ROBO1: variants seen among roughly 807,000 people sequenced by gnomAD.
ROBO1 encodes roundabout homolog 1.
ROBO1 carries 149 observed loss-of-function variants against 195.9 expected under a neutral mutation model. The ratio of observed to expected loss-of-function variants is 0.76; its 90% CI spans 0.67 to 0.87. ROBO1 has a LOEUF of 0.87. ROBO1 is among the 40% of genes least tolerant of loss of function. The probability of loss-of-function intolerance (pLI) is 0.00; values close to 1 mark genes in which losing one functional copy is unlikely to be tolerated. For synonymous variants in ROBO1, 816 were observed against 733.2 expected, an observed-to-expected ratio of 1.11 and a Z score of -1.82; for missense variants, 1,933 against 2,068.3, an observed-to-expected ratio of 0.93 and a Z score of 1.27.
intron 1 of ROBO1, among the ~76,000 whole-genome samples, 187 bp from the exon 2 acceptor site, chr3:79,590,148 G>A (rs1943953486): frequency 6.6e-6 from 1 of 151,660 alleles, no homozygotes. Context: ...TCAAACAAAT[G>A]TGGTATTTAT....
chr3:79,334,311 A>AAATAT (rs1553721943), intron 2 of ROBO1, among the ~76,000 whole-genome samples: 14 of 131,740 alleles, frequency 1.1e-4, no homozygotes, highest in African/African-American at 3.7e-4. Context: ...AAAAAAAAAA[A>AAATAT]ATATATATAT....
At chr3:79,626,457 CA>C (rs951643082) in intron 1 of ROBO1, among the ~76,000 whole-genome samples, 18 of 151,498 alleles carry the variant, frequency 1.2e-4, no homozygotes, top group African/African-American at 1.5e-4. Flanking sequence ...AAAACAAAAA[CA>C]AAAAAACCTC....
chr3:78,703,138 G>T (rs1001193631), intron 8 of ROBO1, among the ~76,000 whole-genome samples: 1 of 152,028 alleles, frequency 6.6e-6, no homozygotes, highest in Non-Finnish European at 1.5e-5. Context: ...GGTTACAATG[G>T]CTGTTTCTTT....
intron 3 of ROBO1, among the ~76,000 whole-genome samples, chr3:79,090,038 C>T (rs758740163): frequency 6.6e-6 from 1 of 151,316 alleles, no homozygotes; most frequent in Non-Finnish European, 1.5e-5. Flanking sequence ...CTCCCAGGTT[C>T]GAGCAATTCT....
intron 1 of ROBO1, among the ~76,000 whole-genome samples, chr3:79,661,584 C>T (rs11127653): frequency 0.26 from 39,304 of 150,656 alleles, 5,208 homozygotes; most frequent in Admixed American, 0.31. Context: ...TTTCTTTGTT[C>T]TTTCAACCAA....
chr3:78,827,468 G>A (rs2031727387), intron 4 of ROBO1, among the ~76,000 whole-genome samples: 1 of 152,154 alleles, frequency 6.6e-6, no homozygotes, highest in South Asian at 2.1e-4. Flanking sequence ...TATAGCAGGT[G>A]CATGCCAGTG....
At chr3:79,514,505 A>G (rs1940858512) in intron 2 of ROBO1, among the ~76,000 whole-genome samples, 1 of 152,048 alleles carries the variant, frequency 6.6e-6, no homozygotes, top group Non-Finnish European at 1.5e-5. Flanking sequence ...GGCTGGACAC[A>G]GTCTCTGGTT....
intron 4 of ROBO1, among the ~76,000 whole-genome samples, chr3:78,906,286 C>T (rs552771293): frequency 6.6e-6 from 1 of 152,192 alleles, no homozygotes; most frequent in South Asian, 2.1e-4. Context: ...TTCAACTAGG[C>T]TCAAGTAGTG....
intron 2 of ROBO1, among the ~76,000 whole-genome samples, chr3:79,243,012 T>C (rs1202892041): frequency 8.2e-6 from 1 of 122,470 alleles, no homozygotes; most frequent in Non-Finnish European, 1.6e-5. Context: ...TGCCCTGGTG[T>C]GTGATGTTCC....
chr3:78,946,491 C>A (rs563800233), intron 3 of ROBO1, among the ~76,000 whole-genome samples: 1 of 152,198 alleles, frequency 6.6e-6, no homozygotes, highest in East Asian at 1.9e-4. Flanking sequence ...TTGTCACCAC[C>A]AGGCCTGCCC....
At chr3:79,379,710 T>C (rs2036505781) in intron 2 of ROBO1, among the ~76,000 whole-genome samples, 1 of 152,206 alleles carries the variant, frequency 6.6e-6, no homozygotes, top group Non-Finnish European at 1.5e-5. Context: ...TTATTAAACA[T>C]CTAATACTTC....
chr3:78,839,693 TAC>T (rs746387729), intron 4 of ROBO1, among the ~76,000 whole-genome samples: 8 of 152,168 alleles, frequency 5.3e-5, no homozygotes, highest in Non-Finnish European at 1.2e-4. Flanking sequence ...ACTAAATCTT[TAC>T]AGACTGAAAA....
At chr3:79,475,567 C>T (rs1045741106) in intron 2 of ROBO1, among the ~76,000 whole-genome samples, 5 of 151,642 alleles carry the variant, frequency 3.3e-5, no homozygotes, top group African/African-American at 1.2e-4. Context: ...TAGAATAGAA[C>T]AAAAAAACTT....
intron 4 of ROBO1, among the ~76,000 whole-genome samples, chr3:78,933,141 G>A (rs2039623293): frequency 6.6e-6 from 1 of 152,030 alleles, no homozygotes; most frequent in Non-Finnish European, 1.5e-5. Context: ...ATTGCTAGAA[G>A]GAATATTACA....
intron 2 of ROBO1, among the ~76,000 whole-genome samples, chr3:79,561,107 A>T (rs1942903660): frequency 6.6e-6 from 1 of 152,116 alleles, no homozygotes; most frequent in Non-Finnish European, 1.5e-5. Flanking sequence ...CCAGAAAAAA[A>T]ATATATGACC....
intron 1 of ROBO1, among the ~76,000 whole-genome samples, chr3:79,665,300 T>TA (rs1946444277): frequency 6.6e-6 from 1 of 151,898 alleles, no homozygotes; most frequent in Non-Finnish European, 1.5e-5. Context: ...TAATACTTGG[T>TA]TTTGATATGG....
intron 2 of ROBO1, among the ~76,000 whole-genome samples, chr3:79,159,599 G>A (rs1217390463): frequency 1.3e-5 from 2 of 151,992 alleles, no homozygotes; most frequent in Non-Finnish European, 2.9e-5. Context: ...GAGTACAGTT[G>A]TATAATTGAT....
At chr3:79,403,501 T>G (rs1304173193) in intron 2 of ROBO1, among the ~76,000 whole-genome samples, 2 of 151,962 alleles carry the variant, frequency 1.3e-5, no homozygotes, top group Non-Finnish European at 2.9e-5. Flanking sequence ...TTCTGTAACG[T>G]AGGAACAATT....
At chr3:78,840,129 T>C (rs1007930391) in intron 4 of ROBO1, among the ~76,000 whole-genome samples, 1 of 152,160 alleles carries the variant, frequency 6.6e-6, no homozygotes, top group South Asian at 2.1e-4. Flanking sequence ...AAGCACATCA[T>C]TGTATGATGA....
Sources: allele counts gnomAD v4.1 joint callset (sites outside exome capture counted in the v4.1 genomes callset), GRCh38; gene constraint gnomAD v4.1.1; transcripts MANE v1.5; gene names NCBI Gene and HGNC (gene_info 2026-07-23, HGNC 2026-07-21).